Variants in IMMP2L observed in about 807,000 individuals in gnomAD.
The protein encoded by IMMP2L is inner mitochondrial membrane peptidase subunit 2.
In IMMP2L, 18 loss-of-function variants were observed where a neutral mutation model predicts 19.3. The observed-to-expected ratio is 0.93, with a 90% confidence interval of 0.64 to 1.38. The LOEUF is 1.38. IMMP2L is among the 40% of genes most tolerant of loss of function. The pLI, the probability that IMMP2L is intolerant of heterozygous loss-of-function variation, is 0.00. For synonymous variants in IMMP2L, 76 were observed against 73.0 expected (o/e 1.04, Z -0.21); for missense variants, 233 against 218.2 (o/e 1.07, Z -0.43).
intron 3 of IMMP2L, among the ~76,000 whole-genome samples, chr7:111,146,671 G>A (rs574484485): frequency 4.6e-5 from 7 of 152,004 alleles, no homozygotes; most frequent in Admixed American, 1.3e-4. Context: ...TCTATGCCCC[G>A]GGTCAACACA....
At chr7:111,030,098 T>C (rs1228869082) in intron 3 of IMMP2L, among the ~76,000 whole-genome samples, 1 of 152,168 alleles carries the variant, frequency 6.6e-6, no homozygotes, top group Non-Finnish European at 1.5e-5. Flanking sequence ...AAAGGAATAT[T>C]GGATTCTGCC....
At chr7:110,925,084 G>A (rs1234371535) in intron 4 of IMMP2L, among the ~76,000 whole-genome samples, 2 of 152,066 alleles carry the variant, frequency 1.3e-5, no homozygotes, top group Non-Finnish European at 2.9e-5. Flanking sequence ...ATGTGTGGGG[G>A]AAAAGATTAT....
At chr7:111,354,370 C>T (rs1330103645) in intron 3 of IMMP2L, among the ~76,000 whole-genome samples, 2 of 151,780 alleles carry the variant, frequency 1.3e-5, no homozygotes, top group African/African-American at 4.8e-5. Context: ...ACTTGAAAAT[C>T]TAATTTCCAC....
intron 3 of IMMP2L, among the ~76,000 whole-genome samples, chr7:111,114,477 C>G (rs1799609938): frequency 6.6e-6 from 1 of 152,076 alleles, no homozygotes; most frequent in Admixed American, 6.6e-5. Flanking sequence ...GTGACCCACA[C>G]CTGTAATCCC....
chr7:111,039,174 T>G (rs1791642180), intron 3 of IMMP2L, among the ~76,000 whole-genome samples: 1 of 152,182 alleles, frequency 6.6e-6, no homozygotes. Context: ...CTGCATCTGT[T>G]CCGACCATCA....
At chr7:110,729,707 A>G (rs2130808593) in intron 5 of IMMP2L, among the ~76,000 whole-genome samples, 1 of 152,352 alleles carries the variant, frequency 6.6e-6, no homozygotes, top group East Asian at 1.9e-4. Flanking sequence ...TGGGAGCTGA[A>G]TGATGAAAAC....
At chr7:110,994,793 G>C (rs1407502601) in intron 3 of IMMP2L, among the ~76,000 whole-genome samples, 1 of 152,108 alleles carries the variant, frequency 6.6e-6, no homozygotes. Flanking sequence ...CTCTCTTACT[G>C]GCTGACAGTG....
intron 3 of IMMP2L, among the ~76,000 whole-genome samples, chr7:111,318,706 A>T (rs1205810339): frequency 6.6e-6 from 1 of 152,132 alleles, no homozygotes; most frequent in African/African-American, 2.4e-5. Context: ...CCACTTGAAG[A>T]CGGAATAACT....
chr7:111,455,482 AGTCAT>A (rs1839602352), intron 3 of IMMP2L, among the ~76,000 whole-genome samples: 1 of 152,150 alleles, frequency 6.6e-6, no homozygotes, highest in Non-Finnish European at 1.5e-5. Context: ...ATTTCCATTA[AGTCAT>A]AAGTCATCCC....
At chr7:110,891,755 G>A (rs990670499) in intron 4 of IMMP2L, among the ~76,000 whole-genome samples, 4 of 151,988 alleles carry the variant, frequency 2.6e-5, no homozygotes, top group Non-Finnish European at 5.9e-5. Flanking sequence ...CTAAATAAGT[G>A]GGTTAAAAAG....
chr7:111,138,413 C>T (rs214852), intron 3 of IMMP2L, among the ~76,000 whole-genome samples: 135,615 of 152,170 alleles, frequency 0.89, 60,519 homozygotes, highest in East Asian at 0.93. Flanking sequence ...TTTCCTGCCC[C>T]AAATTAACTC....
intron 4 of IMMP2L, among the ~76,000 whole-genome samples, chr7:110,958,539 G>A (rs1818600376): frequency 6.6e-6 from 1 of 152,050 alleles, no homozygotes; most frequent in African/African-American, 2.4e-5. Context: ...AGGTAATGCT[G>A]AGCAAAGTGA....
intron 3 of IMMP2L, among the ~76,000 whole-genome samples, chr7:111,202,780 G>A (rs1270052250): frequency 6.6e-6 from 1 of 152,136 alleles, no homozygotes; most frequent in African/African-American, 2.4e-5. Context: ...AATAATGATT[G>A]ATTAGTAGAG....
intron 3 of IMMP2L, among the ~76,000 whole-genome samples, chr7:111,095,378 T>A (rs887511550): frequency 4.6e-5 from 7 of 151,806 alleles, no homozygotes; most frequent in African/African-American, 1.7e-4. Context: ...GCCTCCTTGG[T>A]CTTTCAAAAA....
intron 1 of IMMP2L, among the ~76,000 whole-genome samples, chr7:111,557,111 C>T (rs1418363945): frequency 6.6e-6 from 1 of 152,064 alleles, no homozygotes; most frequent in Non-Finnish European, 1.5e-5. Context: ...TTTTCCTAAA[C>T]ATTCTCACTT....
intron 3 of IMMP2L, among the ~76,000 whole-genome samples, chr7:111,041,538 C>G (rs890403029): frequency 6.6e-6 from 1 of 151,140 alleles, no homozygotes; most frequent in Non-Finnish European, 1.5e-5. Context: ...GATATTCTGT[C>G]TTTCCTTGGC....
intron 3 of IMMP2L, among the ~76,000 whole-genome samples, chr7:111,051,703 C>T (rs1793023529): frequency 6.6e-6 from 1 of 152,098 alleles, no homozygotes; most frequent in African/African-American, 2.4e-5. Flanking sequence ...ATGGAAGGCA[C>T]CATTTTAAAA....
intron 3 of IMMP2L, among the ~76,000 whole-genome samples, chr7:111,127,695 G>A (rs1044504951): frequency 6.6e-6 from 1 of 152,082 alleles, no homozygotes; most frequent in African/African-American, 2.4e-5. Flanking sequence ...TTTGTGATAT[G>A]ATATGGATGT....
At chr7:111,445,466 G>A (rs1838249669) in intron 3 of IMMP2L, among the ~76,000 whole-genome samples, 2 of 151,644 alleles carry the variant, frequency 1.3e-5, no homozygotes, top group African/African-American at 4.9e-5. Flanking sequence ...GGCCTTCAAA[G>A]GAACAAAATC....
Sources: allele counts gnomAD v4.1 joint callset (sites outside exome capture counted in the v4.1 genomes callset), GRCh38; gene constraint gnomAD v4.1.1; transcripts MANE v1.5; gene names NCBI Gene and HGNC (gene_info 2026-07-23, HGNC 2026-07-21).